The following TBCE variants were observed in gnomAD, a reference collection of about 807,000 sequenced individuals.
The protein encoded by TBCE is tubulin-specific chaperone E.
Under a neutral mutation model 77.0 loss-of-function variants are expected in TBCE, and 53 were observed. The ratio of observed to expected loss-of-function variants is 0.69; its 90% CI spans 0.55 to 0.87. The LOEUF is 0.87. Ranked by LOEUF, TBCE falls within the 40% of genes least tolerant of loss-of-function variation. TBCE has a pLI of 0.00. For missense variants in TBCE, 624 were observed against 622.4 expected, an observed-to-expected ratio of 1.00 and a Z score of -0.03; for synonymous variants, 235 against 241.3, an observed-to-expected ratio of 0.97 and a Z score of 0.24.
intron 5 of TBCE, among the ~76,000 whole-genome samples, chr1:235,419,813 C>T (rs1316307387): frequency 6.6e-6 from 1 of 152,120 alleles, no homozygotes; most frequent in Admixed American, 6.6e-5. Context: ...CTTGGCCAGG[C>T]GCAGTGGCTC....
intron 3 of TBCE, among the ~76,000 whole-genome samples, chr1:235,409,899 G>A (rs958588195): frequency 2.1e-5 from 3 of 145,448 alleles, no homozygotes; most frequent in African/African-American, 7.9e-5. Context: ...GCGTGGTGGC[G>A]GGTGCTTGTA....
At chr1:235,427,274 A>G in intron 6 of TBCE, 35 bp downstream of exon 6, 1 of 1,464,578 alleles carries the variant, frequency 6.8e-7, no homozygotes. Context: ...TTCATTAACA[A>G]TAAAGCTCAT....
Position 235,432,068 on chromosome 1 carries a change from C to T in TBCE, c.660+1264C>T, listed in dbSNP as rs147508031. Among the ~76,000 whole-genome samples, 1,274 of 152,176 alleles carry T rather than the reference C, an allele frequency of 8.4e-3. 6 individuals carry two copies. Among genetic ancestry groups the T allele is most frequent in the Non-Finnish European group, 0.014 (922 of 68,014 alleles). ...GCATGATCTCGGCTCACTGCAACCT[C>T]CGTCTCCTGGGTTCAAGCAATTCTC... On this transcript the variant is annotated intron_variant, in intron 7 of 16. Coordinates refer to ENST00000642610, the MANE Select transcript of TBCE (RefSeq NM_003193.5).
chr1:235,370,827 C>T lies in TBCE; in HGVS notation c.-32+3323C>T, dbSNP rs1440388604. 4.7e-5 allele frequency among the ~76,000 whole-genome samples: 7 copies of T among 150,100 alleles called. No individual in the cohort carries two copies. In the East Asian group the frequency reaches 5.9e-4, roughly 13 times the overall value. ...TGTGATGTCGGCTCACTGCAACCTC[C>T]GCCTCCCGGGTTCAAGCGATTCTCC... On this transcript the variant is annotated intron_variant, in intron 1 of 16. Transcript: ENST00000642610.
intron 11 of TBCE, among the ~76,000 whole-genome samples, 199 bp from the exon 12 acceptor site, chr1:235,437,123 A>G (rs1681503421): frequency 6.6e-6 from 1 of 151,870 alleles, no homozygotes; most frequent in South Asian, 2.1e-4. Context: ...GCGAAACTCC[A>G]TCTCAAAAAA....
intron 15 of TBCE, among the ~76,000 whole-genome samples, chr1:235,447,415 G>A (rs958786572): frequency 2.6e-5 from 4 of 152,144 alleles, no homozygotes; most frequent in South Asian, 2.1e-4. Context: ...ACCACAACCC[G>A]TCTTTGGAAA....
chr1:235,441,568 C>G (rs1681878602), intron 13 of TBCE: 1 of 529,776 alleles, frequency 1.9e-6, no homozygotes, highest in Non-Finnish European at 3.4e-6. Context: ...TTGAGTTTCA[C>G]TGGTCATTAA....
chr1:235,423,672 G>C (rs1474277157), intron 5 of TBCE: 1 of 153,002 alleles, frequency 6.5e-6, no homozygotes, highest in African/African-American at 2.4e-5. Context: ...GGAGGAGCGC[G>C]AGGGGACCTG....
At chr1:235,416,585 G>T (rs1186489572) in intron 4 of TBCE, among the ~76,000 whole-genome samples, 1 of 151,910 alleles carries the variant, frequency 6.6e-6, no homozygotes, top group Non-Finnish European at 1.5e-5. Flanking sequence ...TTACCCAAAG[G>T]AAGCATTTTT....
chr1:235,436,044 A>G, intron 9 of TBCE: 1 of 614,036 alleles, frequency 1.6e-6, no homozygotes, highest in Non-Finnish European at 2.9e-6. Flanking sequence ...CTATGTCTGT[A>G]CCAGATAATT....
rs1682801835 is a variant in TBCE at position 235,450,120 on chromosome 1, A to G, written c.*1358A>G. 5.3e-6 allele frequency: 8 copies of G among 1,505,428 alleles called. No individual in the cohort carries two copies. The South Asian group carries it at 8.1e-5, about 15-fold the overall frequency. 93.3% of individuals were successfully genotyped at this position (1,505,428 alleles called of 1,614,324 possible). A position where few individuals can be genotyped will look rare whatever the true frequency, so the allele number is the denominator to read the frequency against. On this transcript the variant is annotated 3_prime_UTR_variant, in exon 17 of 17. Coordinates refer to ENST00000642610, the MANE Select transcript of TBCE (RefSeq NM_003193.5). ...ACTCTCTTGAAAGACCATACAGTCT[A>G]CTGCTAAACCCTGGGACTCCTCAGA...
chr1:235,387,301 G>A (rs1435146914), intron 2 of TBCE, among the ~76,000 whole-genome samples: 4 of 152,174 alleles, frequency 2.6e-5, no homozygotes, highest in African/African-American at 9.6e-5. Flanking sequence ...CCAGCTGCAT[G>A]CTGGGAGAAC....
intron 2 of TBCE, among the ~76,000 whole-genome samples, chr1:235,401,270 T>C (rs1324127419): frequency 6.6e-6 from 1 of 152,112 alleles, no homozygotes; most frequent in Non-Finnish European, 1.5e-5. Context: ...GCTCAATAAA[T>C]TTTAGCCATT....
intron 15 of TBCE, among the ~76,000 whole-genome samples, chr1:235,448,008 A>T (rs902948533): frequency 7.9e-5 from 12 of 152,114 alleles, no homozygotes; most frequent in Admixed American, 2.6e-4. Flanking sequence ...CAGGAGTTCA[A>T]GACCAGCCTG....
At chr1:235,419,877 G>C (rs1680301403) in intron 5 of TBCE, among the ~76,000 whole-genome samples, 1 of 151,652 alleles carries the variant, frequency 6.6e-6, no homozygotes, top group African/African-American at 2.4e-5. Context: ...CACGAGGTTA[G>C]GAGATCGAGA....
At chr1:235,428,850 G>T (rs1227099762) in intron 6 of TBCE, among the ~76,000 whole-genome samples, 3 of 151,176 alleles carry the variant, frequency 2.0e-5, no homozygotes, top group African/African-American at 7.3e-5. Context: ...CACTATGTTG[G>T]CTAGGATAGT....
At chr1:235,406,393 CAAAA>C (rs1679429291) in intron 3 of TBCE, among the ~76,000 whole-genome samples, 1 of 152,000 alleles carries the variant, frequency 6.6e-6, no homozygotes, top group South Asian at 2.1e-4. Flanking sequence ...TTTACAGTGT[CAAAA>C]TAAAAATAAA....
chr1:235,391,830 C>A (rs569683279), intron 2 of TBCE, among the ~76,000 whole-genome samples: 21 of 151,898 alleles, frequency 1.4e-4, no homozygotes, highest in African/African-American at 5.1e-4. Flanking sequence ...TGGTCTTGAA[C>A]ACCTGACCTG....
chr1:235,381,964 CT>C (rs1450583676), intron 2 of TBCE, among the ~76,000 whole-genome samples: 142 of 92,658 alleles, frequency 1.5e-3, no homozygotes, highest in South Asian at 4.2e-3. Context: ...TCCCTCCCCC[CT>C]CCCCCCACCC....
Sources: gnomAD v4.1 joint callset for allele counts (sites outside exome capture counted in the v4.1 genomes callset) on GRCh38, gnomAD v4.1.1 for gene constraint, MANE v1.5 for transcripts, NCBI Gene and HGNC (gene_info 2026-07-23, HGNC 2026-07-21) for gene names.